Variants in CDH13 observed in about 807,000 individuals in gnomAD.
CDH13 encodes cadherin 13.
Under a neutral mutation model 63.8 loss-of-function variants are expected in CDH13, and 24 were observed. That is an observed-to-expected ratio of 0.38 (90% CI 0.27 to 0.53). CDH13 has a LOEUF of 0.53. Ranked by LOEUF, CDH13 falls within the 20% of genes least tolerant of loss-of-function variation. The pLI, the probability that CDH13 is intolerant of heterozygous loss-of-function variation, is 0.85. For synonymous variants in CDH13, 503 were observed against 355.3 expected, an observed-to-expected ratio of 1.42 and a Z score of -4.67; for missense variants, 1,049 against 903.1, an observed-to-expected ratio of 1.16 and a Z score of -2.07.
At chr16:83,786,088 G>A (rs1337867243) in intron 13 of CDH13, among the ~76,000 whole-genome samples, 1 of 152,166 alleles carries the variant, frequency 6.6e-6, no homozygotes, top group Non-Finnish European at 1.5e-5. Flanking sequence ...ACGGTGAGAT[G>A]ACAGAACACA....
chr16:82,928,595 A>T (rs536082441), intron 2 of CDH13, among the ~76,000 whole-genome samples: 1 of 152,202 alleles, frequency 6.6e-6, no homozygotes, highest in African/African-American at 2.4e-5. Context: ...TTAAGACCTT[A>T]TCTGGAGAAT....
chr16:83,494,690 G>A (rs1016613064), intron 7 of CDH13, among the ~76,000 whole-genome samples: 7 of 152,156 alleles, frequency 4.6e-5, no homozygotes, highest in African/African-American at 1.7e-4. Flanking sequence ...TTGCAGAGAG[G>A]CAATCAAAAG....
At chr16:82,682,582 G>C (rs1011086560) in intron 1 of CDH13, among the ~76,000 whole-genome samples, 1 of 152,198 alleles carries the variant, frequency 6.6e-6, no homozygotes, top group Non-Finnish European at 1.5e-5. Context: ...ATTAAGTAAA[G>C]AGAGAGTGAA....
chr16:83,707,181 C>T (rs1567534550), intron 10 of CDH13, among the ~76,000 whole-genome samples: 1 of 152,188 alleles, frequency 6.6e-6, no homozygotes. Flanking sequence ...GACTGTCAGT[C>T]ACTCTTCCTA....
intron 5 of CDH13, among the ~76,000 whole-genome samples, chr16:83,218,918 T>C (rs2039616765): frequency 6.6e-6 from 1 of 152,186 alleles, no homozygotes; most frequent in Non-Finnish European, 1.5e-5. Flanking sequence ...CCCCTGCACA[T>C]GCTTTCTTGC....
chr16:83,355,282 ATGATGCCAGCTTATTATAAC>A (rs1168171000), intron 6 of CDH13, among the ~76,000 whole-genome samples: 2 of 152,220 alleles, frequency 1.3e-5, no homozygotes, highest in Admixed American at 1.3e-4. Context: ...GAGTCATTTT[ATGATGCCAGCTTATTATAAC>A]TGATGCCATC....
At chr16:83,232,082 G>A (rs542335128) in intron 5 of CDH13, among the ~76,000 whole-genome samples, 4 of 151,984 alleles carry the variant, frequency 2.6e-5, no homozygotes, top group African/African-American at 4.8e-5. Context: ...AGAGGATCAG[G>A]AAACATAACT....
chr16:83,763,416 T>A (rs254336), intron 11 of CDH13, among the ~76,000 whole-genome samples: 112,216 of 151,854 alleles, frequency 0.74, 41,627 homozygotes, highest in Admixed American at 0.79. Context: ...TGATTTTTTT[T>A]AAAAATTGTT....
intron 2 of CDH13, among the ~76,000 whole-genome samples, chr16:82,955,067 C>T (rs116221336): frequency 0.014 from 2,058 of 152,216 alleles, 34 homozygotes; most frequent in African/African-American, 0.038. Flanking sequence ...CACTTTGGGG[C>T]GATTTTGAAT....
At chr16:83,527,815 C>G (rs1433949849) in intron 7 of CDH13, among the ~76,000 whole-genome samples, 2 of 152,296 alleles carry the variant, frequency 1.3e-5, no homozygotes, top group South Asian at 2.1e-4. Flanking sequence ...AAATTAAAGA[C>G]TTTTGAGATC....
At chr16:82,710,191 A>G (rs1171251104) in intron 1 of CDH13, among the ~76,000 whole-genome samples, 2 of 131,708 alleles carry the variant, frequency 1.5e-5, no homozygotes, top group East Asian at 3.9e-4. Context: ...AATTAAATTT[A>G]TTATTTATAT....
intron 4 of CDH13, among the ~76,000 whole-genome samples, chr16:83,209,938 G>C (rs1418700101): frequency 1.3e-5 from 2 of 152,172 alleles, no homozygotes; most frequent in African/African-American, 4.8e-5. Context: ...GAAAGGCACA[G>C]CTCAGAGGGC....
intron 8 of CDH13, among the ~76,000 whole-genome samples, chr16:83,611,962 T>C (rs1343302051): frequency 1.3e-5 from 2 of 152,118 alleles, no homozygotes; most frequent in Non-Finnish European, 2.9e-5. Context: ...AGATGGCCCA[T>C]GAATGCTTTA....
intron 5 of CDH13, among the ~76,000 whole-genome samples, chr16:83,246,003 C>T (rs1332179655): frequency 1.3e-5 from 2 of 152,210 alleles, no homozygotes; most frequent in Non-Finnish European, 2.9e-5. Flanking sequence ...TCCCAAAGAG[C>T]TGGGATTGCA....
intron 8 of CDH13, among the ~76,000 whole-genome samples, chr16:83,632,286 T>TTGGG (rs772129193): frequency 0.87 from 132,552 of 152,046 alleles, 57,860 homozygotes; most frequent in Middle Eastern, 0.96. Context: ...TACAGTGAAA[T>TTGGG]TAGAGATGAC....
intron 3 of CDH13, among the ~76,000 whole-genome samples, chr16:83,067,094 A>G (rs1243457863): frequency 1.3e-5 from 2 of 152,146 alleles, no homozygotes; most frequent in African/African-American, 4.8e-5. Flanking sequence ...TGCTAATACC[A>G]TCAATTAGGT....
At chr16:82,804,971 A>C (rs1296537291) in intron 1 of CDH13, among the ~76,000 whole-genome samples, 1 of 152,208 alleles carries the variant, frequency 6.6e-6, no homozygotes, top group African/African-American at 2.4e-5. Flanking sequence ...TCTACTTAGC[A>C]GATGTTCAAG....
chr16:82,871,828 C>T (rs1045397354), intron 2 of CDH13, among the ~76,000 whole-genome samples: 1 of 152,194 alleles, frequency 6.6e-6, no homozygotes, highest in African/African-American at 2.4e-5. Context: ...TCAATCTTCA[C>T]TCTCAGAGGG....
chr16:83,105,179 C>T (rs184917664), intron 3 of CDH13, among the ~76,000 whole-genome samples: 126 of 152,236 alleles, frequency 8.3e-4, no homozygotes, highest in Admixed American at 1.9e-3. Flanking sequence ...TTTTGGAAAA[C>T]TCAATCTGGG....
Sources: allele counts gnomAD v4.1 joint callset (sites outside exome capture counted in the v4.1 genomes callset), GRCh38; gene constraint gnomAD v4.1.1; transcripts MANE v1.5; gene names NCBI Gene and HGNC (gene_info 2026-07-23, HGNC 2026-07-21).